Variants in FLYWCH1 observed in about 807,000 individuals in gnomAD.
The protein encoded by FLYWCH1 is FLYWCH-type zinc finger 1, also known as FLYWCH-type zinc finger-containing protein 1.
Under a neutral mutation model 66.4 loss-of-function variants are expected in FLYWCH1, and 75 were observed. The ratio of observed to expected loss-of-function variants is 1.13; its 90% CI spans 0.94 to 1.37. FLYWCH1 has a LOEUF of 1.37. Among genes scored for constraint, FLYWCH1 ranks in the 40% most tolerant of loss-of-function variants. The pLI is 0.00. For missense variants in FLYWCH1, 1,334 were observed against 1,001.8 expected, an observed-to-expected ratio of 1.33 and a Z score of -4.48; for synonymous variants, 595 against 429.9, an observed-to-expected ratio of 1.38 and a Z score of -4.75.
At chr16:2,940,517 ACT>A (rs749212764) in intron 9 of FLYWCH1, among the ~76,000 whole-genome samples, 5 of 152,044 alleles carry the variant, frequency 3.3e-5, no homozygotes, top group Non-Finnish European at 5.9e-5. Flanking sequence ...CTCACTGCAA[ACT>A]CTACCTTCCG....
rs534886161 is a variant in FLYWCH1, at chr16:2,912,713, C to T, written c.-188+559C>T. On this transcript the variant is annotated intron_variant, in intron 1 of 9. Coordinates refer to ENST00000253928, the MANE Select transcript of FLYWCH1 (RefSeq NM_001308068.2). ...AGCTGGATCTGTTCGGATTAAATTC[C>T]GTTCCATTCTCTTCCACCCCGTTCC... 2.6e-5 allele frequency among the ~76,000 whole-genome samples: 4 copies of T among 152,266 alleles called. No homozygotes were observed. The East Asian group carries it at 7.7e-4, about 29-fold the overall frequency.
At chr16:2,940,518 C>T (rs770892860) in intron 9 of FLYWCH1, among the ~76,000 whole-genome samples, 2 of 152,170 alleles carry the variant, frequency 1.3e-5, no homozygotes, top group African/African-American at 4.8e-5. Context: ...TCACTGCAAA[C>T]TCTACCTTCC....
intron 6 of FLYWCH1, chr16:2,936,266 A>T (rs890530415): frequency 1.1e-4 from 42 of 389,572 alleles, no homozygotes; most frequent in African/African-American, 8.4e-4. Context: ...CCATGGTCAC[A>T]CCACCCCCTC....
intron 9 of FLYWCH1, among the ~76,000 whole-genome samples, chr16:2,946,855 T>C (rs368597307): frequency 1.3e-5 from 2 of 152,254 alleles, no homozygotes; most frequent in East Asian, 1.9e-4. Flanking sequence ...TAACAAGTGT[T>C]GGTGACGACA....
chr16:2,919,635 T>C (rs1017532477), intron 2 of FLYWCH1, among the ~76,000 whole-genome samples: 24 of 152,152 alleles, frequency 1.6e-4, no homozygotes, highest in Admixed American at 1.2e-3. Context: ...GCTCAAGCCA[T>C]TTTCCTGCCA....
rs145257448 is a variant in FLYWCH1, at chr16:2,920,436, C to T, written c.-74+6147C>T. On this transcript the variant is annotated intron_variant, in intron 2 of 9. Transcript: ENST00000253928. ...AGGCTGAGGCCTGAGAATCGCTTGA[C>T]CCAGGAGGCGGAGGTTGCAGTGAGC... is the stretch of plus-strand genomic sequence containing the variant. Among the ~76,000 whole-genome samples, 393 of 151,832 alleles carry T rather than the reference C, an allele frequency of 2.6e-3. 1 individual carries two copies. The highest frequency in any genetic ancestry group is 3.0e-3 in the Non-Finnish European group (205 of 67,974).
rs369521432 is a variant in FLYWCH1, at chr16:2,929,780, C to G, written c.95C>G (p.Ala32Gly). The G allele has an allele frequency of 1.2e-6, 2 of 1,613,900 alleles. No homozygotes were observed. The highest frequency in any genetic ancestry group is 1.7e-5 in the Admixed American group (1 of 60,024). Residue 32 changes from alanine (A) to glycine (G), a missense_variant, in exon 3 of 10, where the codon GCC becomes GGC. Physicochemically the swap from Ala to Gly is moderately conservative, Grantham distance 60 (BLOSUM62 0). Coordinates refer to ENST00000253928, the MANE Select transcript of FLYWCH1 (RefSeq NM_001308068.2). Reference sequence around the variant, plus strand: ...CCAGGCACGGACGTCATCCCGGCAGCCCCCAGGAAGCCCAGGGAGTTCTCC... The same window carrying G: ...CCAGGCACGGACGTCATCCCGGCAGGCCCCAGGAAGCCCAGGGAGTTCTCC... Reference protein sequence around the residue: ...PKPGTDVIPAAPRKPREFSKL... With the variant: ...PKPGTDVIPAGPRKPREFSKL...
intron 2 of FLYWCH1, 137 bp downstream of exon 2, chr16:2,914,426 TGTG>T (rs1409064225): frequency 6.6e-6 from 1 of 152,278 alleles, no homozygotes; most frequent in Admixed American, 6.5e-5. Flanking sequence ...GCTGAGCCCT[TGTG>T]GTCACCAGCA....
intron 9 of FLYWCH1, among the ~76,000 whole-genome samples, chr16:2,944,896 A>G (rs1227433596): frequency 6.6e-6 from 1 of 152,178 alleles, no homozygotes; most frequent in Non-Finnish European, 1.5e-5. Flanking sequence ...GAGGTATCCA[A>G]AAGAAGGCAC....
At chr16:2,948,570 A>C (rs2071580100) in intron 9 of FLYWCH1, 118 bp from the exon 10 acceptor site, 1 of 1,052,702 alleles carries the variant, frequency 9.5e-7, no homozygotes, top group African/African-American at 1.6e-5. Context: ...CTCAAAAATA[A>C]ATGTTCTAGA....
At chr16:2,947,689 G>C (rs766925709) in intron 9 of FLYWCH1, among the ~76,000 whole-genome samples, 3 of 151,712 alleles carry the variant, frequency 2.0e-5, no homozygotes, top group Non-Finnish European at 2.9e-5. Flanking sequence ...TTGAACCTGG[G>C]AGGTAGAGGT....
intron 1 of FLYWCH1, among the ~76,000 whole-genome samples, chr16:2,913,647 C>A (rs975939162): frequency 6.6e-6 from 1 of 152,154 alleles, no homozygotes; most frequent in East Asian, 1.9e-4. Context: ...GCCAACGGTG[C>A]TGAGATTGTG....
chr16:2,927,274 CT>C lies in FLYWCH1; in HGVS notation c.-73-2338del, dbSNP rs547245398. The stretch of plus-strand genomic sequence containing the variant: ...ACACTGCACGCGATCATTGATGAAG[CT>C]AGAAAACAGGGAGATCTTGAGGCGT... On this transcript the variant is annotated intron_variant, in intron 2 of 9. Coordinates refer to ENST00000253928, the MANE Select transcript of FLYWCH1 (RefSeq NM_001308068.2). Among the ~76,000 whole-genome samples the C allele has an allele frequency of 3.7e-3, 559 of 152,278 alleles. 3 individuals carry two copies. Among genetic ancestry groups the C allele is most frequent in the African/African-American group, 0.013 (539 of 41,562 alleles).
Position 2,929,944 on chromosome 16 carries a change from G to A in FLYWCH1, c.259G>A (p.Glu87Lys), listed in dbSNP as rs200664932. The change falls in exon 3 of 10, where the codon GAG (glutamate) becomes AAG (lysine). Residue 87 changes from glutamate (E) to lysine (K), a missense_variant. Coordinates refer to ENST00000253928, the MANE Select transcript of FLYWCH1 (RefSeq NM_001308068.2). ...CACCTTGCAGATCCTGCCAGTTGAG[G>A]AGCAGGGAGGGGTGGTCCAGCCAGC... is the stretch of plus-strand genomic sequence containing the variant. ...ASTLQILPVEEQGGVVQPALE... is the reference protein window; with the variant it reads ...ASTLQILPVEKQGGVVQPALE... 1 of 1,613,452 alleles carries A rather than the reference G, an allele frequency of 6.2e-7. No individual in the cohort carries two copies. Among genetic ancestry groups the A allele is most frequent in the Non-Finnish European group, 8.5e-7 (1 of 1,179,752 alleles).
chr16:2,945,284 A>G (rs570439170), intron 9 of FLYWCH1, among the ~76,000 whole-genome samples: 1 of 151,930 alleles, frequency 6.6e-6, no homozygotes, highest in Non-Finnish European at 1.5e-5. Context: ...TCAGGAGATC[A>G]AGACCGTCCG....
chr16:2,931,038 C>T (rs1419112043), intron 4 of FLYWCH1, among the ~76,000 whole-genome samples, 158 bp downstream of exon 4: 1 of 151,954 alleles, frequency 6.6e-6, no homozygotes, highest in East Asian at 1.9e-4. Context: ...GGCACAGTGG[C>T]TCACGCCTAT....
At position 2,934,381 on chromosome 16, in the gene FLYWCH1, A is replaced by G. The variant is rs182497624; in HGVS notation, c.1513+402A>G. Among the ~76,000 whole-genome samples the G allele has an allele frequency of 1.1e-3, 175 of 152,318 alleles. 1 individual carries two copies. Among genetic ancestry groups the G allele is most frequent in the Middle Eastern group, 3.4e-3 (1 of 294 alleles). ...GATTGAGGAGGTGATATTTACTTAC[A>G]TGCAGCCGGTTTCTCCTCTCGGCCC... On this transcript the variant is annotated intron_variant, in intron 6 of 9. Transcript: ENST00000253928.
rs774410655 is a variant in FLYWCH1, at chr16:2,948,857, C to T, written c.*130C>T. The T allele has an allele frequency of 2.3e-5, 18 of 779,324 alleles. No homozygotes were observed. The highest frequency in any genetic ancestry group is 3.7e-4 in the Middle Eastern group (1 of 2,722). The allele number at this position is 779,324 out of a possible 1,614,324, so 48.3% of individuals were successfully genotyped here. Reference sequence around the variant, plus strand: ...ATTCTTCCAAAGCATCGATGGTCTTCGCGTCTCCTCAGGAGGTCTCCCAGG... The same window carrying T: ...ATTCTTCCAAAGCATCGATGGTCTTTGCGTCTCCTCAGGAGGTCTCCCAGG... On this transcript the variant is annotated 3_prime_UTR_variant, in exon 10 of 10. Coordinates refer to ENST00000253928, the MANE Select transcript of FLYWCH1 (RefSeq NM_001308068.2).
intron 9 of FLYWCH1, among the ~76,000 whole-genome samples, chr16:2,946,791 AC>A (rs892792169): frequency 1.3e-5 from 2 of 152,174 alleles, no homozygotes; most frequent in Non-Finnish European, 2.9e-5. Context: ...GCAAATCAAG[AC>A]CACTGTGACA....
Sources: gnomAD v4.1 joint callset for allele counts (sites outside exome capture counted in the v4.1 genomes callset) on GRCh38, gnomAD v4.1.1 for gene constraint, MANE v1.5 for transcripts, NCBI Gene and HGNC (gene_info 2026-07-23, HGNC 2026-07-21) for gene names.